PIK3R3: variants seen among roughly 807,000 people sequenced by gnomAD.
PIK3R3 encodes the protein phosphoinositide-3-kinase regulatory subunit 3, also known as phosphatidylinositol 3-kinase regulatory subunit gamma.
PIK3R3 carries 64 observed loss-of-function variants against 62.9 expected under a neutral mutation model. The ratio of observed to expected loss-of-function variants is 1.02; its 90% CI spans 0.83 to 1.25. PIK3R3 has a LOEUF of 1.25. PIK3R3 is among the 50% of genes most tolerant of loss of function. The pLI is 0.00. For synonymous variants in PIK3R3, 165 were observed against 189.0 expected (o/e 0.87, Z 1.04); for missense variants, 614 against 561.6 (o/e 1.09, Z -0.94).
At chr1:46,151,429 T>G in the PIK3R3 span, among the ~76,000 whole-genome samples, 1 of 152,156 alleles carries the variant, frequency 6.6e-6, no homozygotes, top group Non-Finnish European at 1.5e-5. Context: ...GGCAGAGGCC[T>G]CCTCTTTTGC....
At chr1:46,046,778 G>C (rs879360485) in intron 7 of PIK3R3, 153 bp from the exon 8 acceptor site, 33 of 589,644 alleles carry the variant, frequency 5.6e-5, no homozygotes, top group Non-Finnish European at 6.0e-5. Context: ...TTAGTCTCTC[G>C]ATTACTTTTC....
At chr1:46,107,395 G>A (rs1488842375) in intron 1 of PIK3R3, among the ~76,000 whole-genome samples, 1 of 150,116 alleles carries the variant, frequency 6.7e-6, no homozygotes, top group Non-Finnish European at 1.5e-5. Flanking sequence ...TTTTATCTAA[G>A]CAAAGGCTCC....
intron 1 of PIK3R3, among the ~76,000 whole-genome samples, chr1:46,084,150 AAAG>A (rs1464126386): frequency 3.3e-5 from 5 of 152,242 alleles, no homozygotes; most frequent in African/African-American, 1.2e-4. Flanking sequence ...TTGCTGAGTG[AAAG>A]AAGCCTGTCA....
chr1:46,146,547 G>T, the PIK3R3 span, among the ~76,000 whole-genome samples: 2 of 152,128 alleles, frequency 1.3e-5, no homozygotes, highest in South Asian at 2.1e-4. Flanking sequence ...GTGTTCAGAT[G>T]CTAGGCAGCC....
At chr1:46,053,986 G>GCTAT (rs1647624785) in intron 7 of PIK3R3, among the ~76,000 whole-genome samples, 1 of 152,114 alleles carries the variant, frequency 6.6e-6, no homozygotes, top group African/African-American at 2.4e-5. Flanking sequence ...TCTTCAGTAT[G>GCTAT]CTATATACAC....
At chr1:46,072,337 G>A (rs1014300809) in intron 3 of PIK3R3, among the ~76,000 whole-genome samples, 12 of 152,288 alleles carry the variant, frequency 7.9e-5, no homozygotes, top group Middle Eastern at 3.4e-3. Context: ...TCACTCTTCT[G>A]CCTTGCAAAA....
chr1:46,160,683 T>A, the PIK3R3 span, among the ~76,000 whole-genome samples: 1 of 152,226 alleles, frequency 6.6e-6, no homozygotes, highest in Non-Finnish European at 1.5e-5. Flanking sequence ...CTATCCTTAA[T>A]CCCGTAATAG....
chr1:46,047,437 C>CAA (rs766324030), intron 7 of PIK3R3, among the ~76,000 whole-genome samples: 1 of 60,956 alleles, frequency 1.6e-5, no homozygotes, highest in Non-Finnish European at 3.7e-5. Context: ...GACTCCATCT[C>CAA]AAAAAAAAAA....
chr1:46,163,528 A>G, the PIK3R3 span, among the ~76,000 whole-genome samples: 1 of 152,224 alleles, frequency 6.6e-6, no homozygotes, highest in Non-Finnish European at 1.5e-5. Flanking sequence ...TCACTGCAGG[A>G]AACAAGTGAT....
At chr1:46,141,431 C>T in the PIK3R3 span, among the ~76,000 whole-genome samples, 5 of 151,842 alleles carry the variant, frequency 3.3e-5, no homozygotes, top group African/African-American at 1.2e-4. Flanking sequence ...CCACCACGCC[C>T]AGCTAATTTT....
chr1:46,138,261 A>C, the PIK3R3 span, among the ~76,000 whole-genome samples: 2 of 152,220 alleles, frequency 1.3e-5, no homozygotes, highest in Non-Finnish European at 2.9e-5. Context: ...AATGTCCAAT[A>C]ATTGCCCTGT....
upstream of PIK3R3, among the ~76,000 whole-genome samples, chr1:46,136,469 G>C (rs1382007882): frequency 6.6e-6 from 1 of 152,188 alleles, no homozygotes; most frequent in Admixed American, 6.5e-5. Context: ...TTTTCCAAAT[G>C]GTATTCCTTG....
chr1:46,107,121 C>CA (rs1255347033), intron 1 of PIK3R3, among the ~76,000 whole-genome samples: 1 of 152,080 alleles, frequency 6.6e-6, no homozygotes, highest in African/African-American at 2.4e-5. Flanking sequence ...TTTGGGAGGC[C>CA]AAGGCGAGTG....
chr1:46,062,008 G>A lies in PIK3R3; in HGVS notation c.685C>T (p.Gln229Ter), dbSNP rs1648541618. 2 of 1,610,012 alleles carry A rather than the reference G, an allele frequency of 1.2e-6. No individual in the cohort carries two copies. Among genetic ancestry groups the A allele is most frequent in the Middle Eastern group, 1.6e-4 (1 of 6,066 alleles). The change falls in exon 6 of 10, where the codon CAG becomes TAG. Residue 229 changes from glutamine (Q) to a stop codon, truncating the protein, a stop_gained. Transcript: ENST00000262741. LOFTEE classifies it high-confidence loss of function. ...FNETIKIFEE[Q>*]CHTQEQHSKE... ...CTATGTTGTTCTTGTGTGTGACACT[G>A]CTCTTCAAATATTTTAATTGTTTCA...
At position 46,061,897 on chromosome 1, in the gene PIK3R3, C is replaced by T. The variant is rs546948243; in HGVS notation, c.764+32G>A. On this transcript the variant is annotated intron_variant, in intron 6 of 9. Transcript: ENST00000262741. ...GGGGAAGAAAAGAAATCCTGTCTCA[C>T]TGATGCCCTTGGAGGTACTAAGTAG... 39 of 1,594,694 alleles carry T rather than the reference C, an allele frequency of 2.4e-5. No individual in the cohort carries two copies. The African/African-American group carries it at 5.1e-4, about 21-fold the overall frequency.
chr1:46,111,781 A>G (rs1011938279), intron 1 of PIK3R3, among the ~76,000 whole-genome samples: 1 of 152,062 alleles, frequency 6.6e-6, no homozygotes, highest in African/African-American at 2.4e-5. Context: ...TATCTATAAA[A>G]TCTTTATCTA....
At chr1:46,130,388 A>G (rs1235772003) in intron 1 of PIK3R3, among the ~76,000 whole-genome samples, 2 of 152,226 alleles carry the variant, frequency 1.3e-5, no homozygotes, top group Non-Finnish European at 2.9e-5. Context: ...ATGGGTGGCA[A>G]ATCTTACAAA....
intron 1 of PIK3R3, among the ~76,000 whole-genome samples, chr1:46,083,266 C>T (rs1483640315): frequency 1.3e-5 from 2 of 151,952 alleles, no homozygotes; most frequent in African/African-American, 4.8e-5. Flanking sequence ...TGATCAAAGA[C>T]CTAAATATCA....
chr1:46,158,483 A>C, the PIK3R3 span, among the ~76,000 whole-genome samples: 2 of 152,130 alleles, frequency 1.3e-5, no homozygotes, highest in Non-Finnish European at 2.9e-5. Context: ...GCCTTCCATG[A>C]GCTCACCTCT....
Sources: allele counts gnomAD v4.1 joint callset (sites outside exome capture counted in the v4.1 genomes callset), GRCh38; gene constraint gnomAD v4.1.1; transcripts MANE v1.5; gene names NCBI Gene and HGNC (gene_info 2026-07-23, HGNC 2026-07-21).